USP34: variants seen among roughly 807,000 people sequenced by gnomAD.
The protein encoded by USP34 is ubiquitin specific peptidase 34, also known as ubiquitin carboxyl-terminal hydrolase 34.
Under a neutral mutation model 460.3 loss-of-function variants are expected in USP34, and 70 were observed. That is an observed-to-expected ratio of 0.15 (90% CI 0.13 to 0.19). The LOEUF is 0.19. USP34 is among the 10% of genes least tolerant of loss of function. The pLI is 1.00. For missense variants in USP34, 3,985 were observed against 4,236.2 expected (o/e 0.94, Z 1.65); for synonymous variants, 1,647 against 1,405.3 (o/e 1.17, Z -3.85).
chr2:61,343,189 G>A (rs755226355), intron 16 of USP34, among the ~76,000 whole-genome samples: 1 of 152,118 alleles, frequency 6.6e-6, no homozygotes, highest in Non-Finnish European at 1.5e-5. Flanking sequence ...GAGGTTTAAG[G>A]CCTTTAAACT....
Position 61,319,286 on chromosome 2 carries a change from C to A in USP34, c.3055G>T (p.Val1019Leu), listed in dbSNP as rs1453116206. 6.3e-7 allele frequency: 1 copy of A among 1,580,120 alleles called. No homozygotes were observed. The highest frequency in any genetic ancestry group is 8.5e-7 in the Non-Finnish European group (1 of 1,170,206). The change falls in exon 22 of 80, where the codon GTA becomes TTA. Residue 1019 changes from valine to leucine, a missense_variant. Coordinates refer to ENST00000398571, the MANE Select transcript of USP34 (RefSeq NM_014709.4). ...TCATCATAACATTCAGAATCTTCTA[C>A]TAAACAATGCCATAAGATGTCAACT... is the stretch of plus-strand genomic sequence containing the variant. ...EQVDILWHCL[V>L]EDSECYDDAL...
At chr2:61,409,080 C>T (rs934265285) in intron 2 of USP34, among the ~76,000 whole-genome samples, 9 of 151,436 alleles carry the variant, frequency 5.9e-5, no homozygotes, top group African/African-American at 2.2e-4. Context: ...ATTAGCTGGG[C>T]ATGGTGGCAC....
At chr2:61,348,599 A>G in intron 14 of USP34, 119 bp from the exon 15 acceptor site, 1 of 1,444,240 alleles carries the variant, frequency 6.9e-7, no homozygotes, top group South Asian at 1.5e-5. Context: ...TCCTTTGAAC[A>G]ATACAAAATG....
intron 75 of USP34, chr2:61,194,204 A>G: frequency 1.0e-6 from 1 of 985,278 alleles, no homozygotes; most frequent in Middle Eastern, 5.2e-4. Flanking sequence ...AAGCCAATTT[A>G]TTTTCCTGTC....
intron 8 of USP34, among the ~76,000 whole-genome samples, chr2:61,375,024 G>A (rs1692749897): frequency 6.6e-6 from 1 of 152,044 alleles, no homozygotes; most frequent in South Asian, 2.1e-4. Flanking sequence ...AGTCTTCTTA[G>A]GCACACACAG....
chr2:61,213,187 G>C (rs1572840134), intron 68 of USP34, among the ~76,000 whole-genome samples: 1 of 151,994 alleles, frequency 6.6e-6, no homozygotes, highest in Non-Finnish European at 1.5e-5. Flanking sequence ...AGCTAATTTT[G>C]TATTTTTTGT....
intron 2 of USP34, among the ~76,000 whole-genome samples, chr2:61,419,432 C>T (rs143137308): frequency 6.6e-6 from 1 of 152,250 alleles, no homozygotes; most frequent in Non-Finnish European, 1.5e-5. Context: ...CTGCCTAAAA[C>T]TGCACATATG....
intron 10 of USP34, among the ~76,000 whole-genome samples, chr2:61,366,356 G>A (rs1453421946): frequency 3.3e-5 from 5 of 152,184 alleles, no homozygotes; most frequent in Non-Finnish European, 7.3e-5. Flanking sequence ...CAGAATAAGA[G>A]ATTTGATGGA....
At chr2:61,254,399 A>G (rs1385418003) in intron 48 of USP34, among the ~76,000 whole-genome samples, 2 of 152,152 alleles carry the variant, frequency 1.3e-5, no homozygotes, top group Non-Finnish European at 2.9e-5. Flanking sequence ...TAAACCTAAA[A>G]CTTGGATGGC....
intron 39 of USP34, among the ~76,000 whole-genome samples, chr2:61,278,868 G>A (rs759598698): frequency 9.2e-5 from 14 of 151,560 alleles, no homozygotes; most frequent in African/African-American, 2.7e-4. Flanking sequence ...ACAATTCACC[G>A]TTTGTTTTAA....
chr2:61,347,774 A>G lies in USP34; in HGVS notation c.2285+96T>C, dbSNP rs557804057. On this transcript the variant is annotated intron_variant, in intron 15 of 79. Coordinates refer to ENST00000398571, the MANE Select transcript of USP34 (RefSeq NM_014709.4). Reference sequence around the variant, plus strand: ...ATAGTTTGCACTATACTACTAATGAATAGCACTAATACAGAATAAATTGCA... The same window carrying G: ...ATAGTTTGCACTATACTACTAATGAGTAGCACTAATACAGAATAAATTGCA... 39 of 1,517,184 alleles carry G rather than the reference A, an allele frequency of 2.6e-5. No individual in the cohort carries two copies. The South Asian group carries it at 5.0e-4, about 19-fold the overall frequency. The allele number at this position is 1,517,184 out of a possible 1,614,324, so 94.0% of individuals were successfully genotyped here.
chr2:61,440,368 G>C (rs564023074), intron 1 of USP34, among the ~76,000 whole-genome samples: 3 of 152,152 alleles, frequency 2.0e-5, no homozygotes, highest in Non-Finnish European at 4.4e-5. Flanking sequence ...GTCAATGGCT[G>C]CTGTATGAAA....
At chr2:61,367,702 C>G (rs894701929) in intron 10 of USP34, among the ~76,000 whole-genome samples, 1 of 151,482 alleles carries the variant, frequency 6.6e-6, no homozygotes, top group African/African-American at 2.4e-5. Flanking sequence ...TTTATAATAG[C>G]AATAAAAAAC....
At chr2:61,189,281 T>C in intron 78 of USP34, 1 of 506,996 alleles carries the variant, frequency 2.0e-6, no homozygotes, top group Non-Finnish European at 3.3e-6. Context: ...TGTTTTGTTT[T>C]TGTTTTTTTT....
chr2:61,349,433 G>T (rs1244346967), intron 12 of USP34, 148 bp from the exon 13 acceptor site: 2 of 718,676 alleles, frequency 2.8e-6, no homozygotes, highest in African/African-American at 1.8e-5. Flanking sequence ...TACAGTAGTT[G>T]TTGGGGGTGC....
At chr2:61,371,956 A>G (rs189780428) in intron 8 of USP34, among the ~76,000 whole-genome samples, 157 of 152,300 alleles carry the variant, frequency 1.0e-3, no homozygotes, top group Non-Finnish European at 1.5e-3. Flanking sequence ...AACAGGTTAT[A>G]CCACCTAGGT....
intron 8 of USP34, among the ~76,000 whole-genome samples, chr2:61,376,779 C>G (rs1231873411): frequency 1.3e-5 from 2 of 152,164 alleles, no homozygotes; most frequent in Non-Finnish European, 2.9e-5. Flanking sequence ...ACCCAAATAG[C>G]TGGAATCACA....
At chr2:61,193,078 T>G (rs1686687472) in intron 75 of USP34, 98 bp from the exon 76 acceptor site, 3 of 897,062 alleles carry the variant, frequency 3.3e-6, no homozygotes, top group Non-Finnish European at 5.2e-6. Flanking sequence ...TTTCTAGTCA[T>G]AACTGCATAT....
At chr2:61,230,071 G>A (rs941166838) in intron 58 of USP34, among the ~76,000 whole-genome samples, 1 of 152,036 alleles carries the variant, frequency 6.6e-6, no homozygotes, top group Non-Finnish European at 1.5e-5. Flanking sequence ...AAAAAAATGT[G>A]TAACCATTTT....
Sources: allele counts gnomAD v4.1 joint callset (sites outside exome capture counted in the v4.1 genomes callset), GRCh38; gene constraint gnomAD v4.1.1; transcripts MANE v1.5; gene names NCBI Gene and HGNC (gene_info 2026-07-23, HGNC 2026-07-21).